RABEP1: variants seen among roughly 807,000 people sequenced by gnomAD.
RABEP1 encodes the protein rabaptin, RAB GTPase binding effector protein 1, also known as rab GTPase-binding effector protein 1.
A neutral mutation model predicts 123.4 loss-of-function variants in RABEP1; 51 were observed. The ratio of observed to expected loss-of-function variants is 0.41; its 90% CI spans 0.33 to 0.52. RABEP1 has a LOEUF of 0.52. Ranked by LOEUF, RABEP1 falls within the 20% of genes least tolerant of loss-of-function variation. The probability of loss-of-function intolerance (pLI) is 0.16; values close to 1 mark genes in which losing one functional copy is unlikely to be tolerated. For missense variants in RABEP1, 888 were observed against 996.3 expected, an observed-to-expected ratio of 0.89 and a Z score of 1.46; for synonymous variants, 347 against 355.2, an observed-to-expected ratio of 0.98 and a Z score of 0.26.
intron 2 of RABEP1, among the ~76,000 whole-genome samples, chr17:5,320,587 T>C (rs1481100605): frequency 6.6e-6 from 1 of 152,188 alleles, no homozygotes; most frequent in Non-Finnish European, 1.5e-5. Context: ...AGATAGGTAA[T>C]GTAGATACAT....
intron 8 of RABEP1, among the ~76,000 whole-genome samples, chr17:5,358,912 T>A (rs1909255959): frequency 6.6e-6 from 1 of 151,926 alleles, no homozygotes; most frequent in South Asian, 2.1e-4. Flanking sequence ...AGGCGTGTGG[T>A]ACCATGCCTG....
At chr17:5,286,323 A>G (rs1490667221) in intron 1 of RABEP1, among the ~76,000 whole-genome samples, 4 of 152,104 alleles carry the variant, frequency 2.6e-5, no homozygotes, top group African/African-American at 9.7e-5. Context: ...GTGAAACCCC[A>G]TCTCTACTAA....
chr17:5,376,651 G>A (rs2144724893), intron 13 of RABEP1, among the ~76,000 whole-genome samples: 1 of 152,276 alleles, frequency 6.6e-6, no homozygotes, highest in Non-Finnish European at 1.5e-5. Context: ...GCCTCTGGTA[G>A]ATGTTTAGTA....
chr17:5,376,285 C>T (rs1910985766), intron 13 of RABEP1, among the ~76,000 whole-genome samples: 1 of 152,084 alleles, frequency 6.6e-6, no homozygotes, highest in Non-Finnish European at 1.5e-5. Flanking sequence ...TATGCCATTG[C>T]ACTCCATACT....
intron 2 of RABEP1, among the ~76,000 whole-genome samples, chr17:5,309,227 A>G (rs1277935413): frequency 6.6e-6 from 1 of 152,216 alleles, no homozygotes. Flanking sequence ...TTTATTTAAT[A>G]TCTACTATGA....
At chr17:5,312,954 A>G (rs1049215450) in intron 2 of RABEP1, among the ~76,000 whole-genome samples, 3 of 152,076 alleles carry the variant, frequency 2.0e-5, no homozygotes, top group African/African-American at 7.2e-5. Flanking sequence ...TAAAAATACA[A>G]AAATTAGCTG....
At chr17:5,284,976 T>TA (rs889926071) in intron 1 of RABEP1, among the ~76,000 whole-genome samples, 89 of 146,962 alleles carry the variant, frequency 6.1e-4, no homozygotes, top group East Asian at 5.3e-3. Context: ...GATGACTTTT[T>TA]AAAAAAAAAA....
intron 10 of RABEP1, among the ~76,000 whole-genome samples, chr17:5,363,865 GTT>G (rs148116771): frequency 0.13 from 20,223 of 152,112 alleles, 1,400 homozygotes; most frequent in East Asian, 0.16. Context: ...CAAGTGCAGT[GTT>G]TAATAATGGG....
At chr17:5,359,325 C>T (rs528289659) in intron 8 of RABEP1, among the ~76,000 whole-genome samples, 29 of 152,246 alleles carry the variant, frequency 1.9e-4, no homozygotes, top group African/African-American at 5.8e-4. Flanking sequence ...CTGCCCGCCT[C>T]GGCCTCCCAA....
At chr17:5,350,695 T>C (rs764756067) in intron 7 of RABEP1, 66 bp downstream of exon 7, 4 of 1,533,508 alleles carry the variant, frequency 2.6e-6, no homozygotes, top group Non-Finnish European at 3.6e-6. Flanking sequence ...GTGATTGCAT[T>C]ACCTTATGTG....
intron 2 of RABEP1, among the ~76,000 whole-genome samples, chr17:5,320,439 A>AAAG (rs1555520174): frequency 7.7e-4 from 99 of 128,998 alleles, no homozygotes; most frequent in Middle Eastern, 4.1e-3. Flanking sequence ...AAAAAAAAAA[A>AAAG]AAAAAGAAAA....
rs1415164197 is a variant in RABEP1, at chr17:5,354,504, A to G, written c.1095+14A>G. ...TCAAATGAAGAGGTATAGTGAGTCT[A>G]TAATTAAAGTCATTAAATACACAAT... On this transcript the variant is annotated intron_variant, in intron 8 of 17. Transcript: ENST00000537505. 4 of 1,588,100 alleles carry G rather than the reference A, an allele frequency of 2.5e-6. No homozygotes were observed. Among genetic ancestry groups the G allele is most frequent in the East Asian group, 2.3e-5 (1 of 44,314 alleles).
At chr17:5,304,378 G>T (rs1418534616) in intron 1 of RABEP1, among the ~76,000 whole-genome samples, 1 of 151,972 alleles carries the variant, frequency 6.6e-6, no homozygotes, top group Non-Finnish European at 1.5e-5. Context: ...TCAGGAGTTC[G>T]AGACTAGCCT....
intron 10 of RABEP1, among the ~76,000 whole-genome samples, chr17:5,363,444 T>C (rs903201258): frequency 2.0e-5 from 3 of 152,036 alleles, no homozygotes; most frequent in Non-Finnish European, 2.9e-5. Context: ...GGTCTCAAAC[T>C]CCTGACTTCA....
chr17:5,328,991 T>C (rs1276442406), intron 2 of RABEP1, among the ~76,000 whole-genome samples: 1 of 150,242 alleles, frequency 6.7e-6, no homozygotes, highest in African/African-American at 2.4e-5. Flanking sequence ...CTTGTTTTGA[T>C]CTTAATTTAA....
chr17:5,386,238 T>TTTGCTTACA lies in RABEP1; in HGVS notation c.*3021_*3022insACATTGCTT. 6.2e-7 allele frequency: 1 copy of TTTGCTTACA among 1,613,492 alleles called. No individual in the cohort carries two copies. The highest frequency in any genetic ancestry group is 8.5e-7 in the Non-Finnish European group (1 of 1,179,766). On this transcript the variant is annotated 3_prime_UTR_variant, in exon 18 of 18. Transcript: ENST00000537505. The stretch of plus-strand genomic sequence containing the variant: ...TTTACATGATTGCGGATATCATTGA[T>TTTGCTTACA]TTGCTTCACCATTTCCCTTATATGT...
chr17:5,355,967 C>T (rs1908977673), intron 8 of RABEP1, among the ~76,000 whole-genome samples: 2 of 152,040 alleles, frequency 1.3e-5, no homozygotes, highest in African/African-American at 4.8e-5. Context: ...AGTAATCTAT[C>T]CAGGAATGTT....
chr17:5,309,852 T>TC (rs1267770827), intron 2 of RABEP1, among the ~76,000 whole-genome samples: 3 of 152,148 alleles, frequency 2.0e-5, no homozygotes, highest in African/African-American at 7.2e-5. Flanking sequence ...ATCGTCATCA[T>TC]CACCTGGGAA....
chr17:5,327,431 G>C (rs536200613), intron 2 of RABEP1, among the ~76,000 whole-genome samples: 1 of 152,094 alleles, frequency 6.6e-6, no homozygotes, highest in East Asian at 1.9e-4. Flanking sequence ...GCAGTATGAT[G>C]TTACCATGGC....
Sources: allele counts gnomAD v4.1 joint callset (sites outside exome capture counted in the v4.1 genomes callset), GRCh38; gene constraint gnomAD v4.1.1; transcripts MANE v1.5; gene names NCBI Gene and HGNC (gene_info 2026-07-23, HGNC 2026-07-21).